The following REV3L variants were observed in gnomAD, a reference collection of about 807,000 sequenced individuals.
The protein encoded by REV3L is REV3 like, DNA directed polymerase zeta catalytic subunit, also known as DNA polymerase zeta catalytic subunit.
A neutral mutation model predicts 299.4 loss-of-function variants in REV3L; 69 were observed. That is an observed-to-expected ratio of 0.23 (90% CI 0.19 to 0.28). The LOEUF (loss-of-function observed/expected upper bound fraction) is 0.28, where lower values mean the gene tolerates loss of function less well. REV3L is among the 10% of genes least tolerant of loss of function. The pLI is 1.00. For missense variants in REV3L, 3,128 were observed against 3,693.8 expected (o/e 0.85, Z 3.97); for synonymous variants, 1,238 against 1,271.4 (o/e 0.97, Z 0.56).
chr6:111,303,195 A>C (rs1452591917), intron 31 of REV3L, among the ~76,000 whole-genome samples: 1 of 92,022 alleles, frequency 1.1e-5, no homozygotes, highest in Non-Finnish European at 2.0e-5. Context: ...GATGAGAGAG[A>C]GCGTCTCATT....
At chr6:111,315,089 A>T (rs1394461637) in intron 27 of REV3L, among the ~76,000 whole-genome samples, 178 bp downstream of exon 27, 1 of 151,910 alleles carries the variant, frequency 6.6e-6, no homozygotes, top group Non-Finnish European at 1.5e-5. Context: ...GTCTCAAGCA[A>T]CCCTCCTGCT....
intron 31 of REV3L, among the ~76,000 whole-genome samples, chr6:111,300,928 A>AGAT: frequency 6.6e-6 from 1 of 152,328 alleles, no homozygotes. Flanking sequence ...GGAATAAGGG[A>AGAT]GATAACCATA....
At chr6:111,390,740 T>G (rs1781838772) in intron 5 of REV3L, among the ~76,000 whole-genome samples, 1 of 152,162 alleles carries the variant, frequency 6.6e-6, no homozygotes, top group Admixed American at 6.5e-5. Context: ...TGATCAACAG[T>G]GGGATCATAG....
intron 1 of REV3L, among the ~76,000 whole-genome samples, chr6:111,439,219 C>T (rs975862647): frequency 3.3e-5 from 5 of 152,064 alleles, no homozygotes; most frequent in African/African-American, 9.7e-5. Context: ...ATGGAAATGA[C>T]GTCAGACAAA....
At chr6:111,432,970 G>A (rs1168382081) in intron 1 of REV3L, among the ~76,000 whole-genome samples, 1 of 152,088 alleles carries the variant, frequency 6.6e-6, no homozygotes, top group African/African-American at 2.4e-5. Context: ...AAGAAATTAA[G>A]AAGGAAATTT....
intron 1 of REV3L, among the ~76,000 whole-genome samples, chr6:111,472,825 A>G (rs1219667628): frequency 6.6e-6 from 1 of 152,170 alleles, no homozygotes; most frequent in Non-Finnish European, 1.5e-5. Context: ...ACACCAAACA[A>G]AAACACCAAA....
chr6:111,366,656 CAG>C (rs767919274), intron 14 of REV3L, among the ~76,000 whole-genome samples: 14 of 152,156 alleles, frequency 9.2e-5, no homozygotes, highest in Non-Finnish European at 2.1e-4. Flanking sequence ...TGTAGAATGA[CAG>C]GGGCAGAATT....
intron 21 of REV3L, among the ~76,000 whole-genome samples, chr6:111,339,727 A>AT (rs1174073561): frequency 1.3e-5 from 2 of 152,176 alleles, no homozygotes; most frequent in African/African-American, 4.8e-5. Context: ...ATTTAAAAAA[A>AT]TGTATTTTAG....
rs747746023 is a variant in REV3L, at chr6:111,375,442, C to A, written c.2913G>T (p.Leu971=). The A allele has an allele frequency of 3.8e-6, 6 of 1,599,202 alleles. No individual in the cohort carries two copies. The East Asian group carries it at 8.9e-5, about 24-fold the overall frequency. The part of the protein sequence containing the change: ...SRKRRKMSKK[L]PPVIIKYIII... ...TAATATACTTTATGATGACAGGGGG[C>A]AGCTTTTTAGACATTTTTCTTCGTT... The change falls in exon 13 of 32, where the codon CTG becomes CTT. Residue 971 remains leucine (L), a synonymous_variant. Coordinates refer to ENST00000368802, the MANE Select transcript of REV3L (RefSeq NM_001372078.1).
intron 26 of REV3L, 140 bp from the exon 27 acceptor site, chr6:111,315,521 C>T: frequency 1.6e-6 from 1 of 613,896 alleles, no homozygotes; most frequent in South Asian, 2.1e-5. Flanking sequence ...AAGATGCTTT[C>T]TATGTAAGCT....
intron 20 of REV3L, among the ~76,000 whole-genome samples, chr6:111,347,051 C>G (rs1193145029): frequency 6.6e-6 from 1 of 152,082 alleles, no homozygotes; most frequent in Non-Finnish European, 1.5e-5. Flanking sequence ...GGGCAGACCA[C>G]TTGAGGTCAG....
chr6:111,311,161 C>G lies in REV3L; in HGVS notation c.8703G>C (p.Lys2901Asn), dbSNP rs907940388. The change falls in exon 29 of 32, where the codon AAG (lysine) becomes AAC (asparagine). Residue 2901 changes from lysine (K) to asparagine (N), a missense_variant. This residue lies in a region of REV3L where 294 missense variants were observed against 377.0 expected (regional missense o/e 0.78). Transcript: ENST00000368802. ...CAAAGATAAAGTCTTGTATGCTGGC[C>G]TTTCCTTCCAGAAGCTTCATACATT... ...QRQCMKLLEG[K>N]ASIQDFIFAK... 1 of 1,614,074 alleles carries G rather than the reference C, an allele frequency of 6.2e-7. No individual in the cohort carries two copies. Among genetic ancestry groups the G allele is most frequent in the Non-Finnish European group, 8.5e-7 (1 of 1,179,980 alleles).
chr6:111,351,574 AAAAAATTGGGCT>A (rs1777570952), intron 19 of REV3L, 90 bp downstream of exon 19: 1 of 732,792 alleles, frequency 1.4e-6, no homozygotes, highest in African/African-American at 1.8e-5. Flanking sequence ...ACTTAGTACT[AAAAAATTGGGCT>A]ACAGCATAAG....
chr6:111,325,893 CT>C (rs1364634518), intron 25 of REV3L, among the ~76,000 whole-genome samples: 1 of 152,108 alleles, frequency 6.6e-6, no homozygotes, highest in African/African-American at 2.4e-5. Flanking sequence ...TATTTTTGTA[CT>C]CATTAATCAT....
chr6:111,416,781 CCAGTGTTATGAAGGTTATAAGCA>C (rs1784808354), intron 1 of REV3L, among the ~76,000 whole-genome samples: 1 of 152,094 alleles, frequency 6.6e-6, no homozygotes, highest in Non-Finnish European at 1.5e-5. Flanking sequence ...TCTATAAATA[CCAGTGTTATGAAGGTTATAAGCA>C]CAGTGTTATG....
chr6:111,381,482 G>A, intron 9 of REV3L, 38 bp from the exon 10 acceptor site: 2 of 1,552,904 alleles, frequency 1.3e-6, no homozygotes, highest in Non-Finnish European at 1.7e-6. Context: ...TGAAGCAATG[G>A]CCTAAATCCA....
Position 111,377,843 on chromosome 6 carries a change from T to C in REV3L, c.1455A>G (p.Arg485=). 5.0e-6 allele frequency: 8 copies of C among 1,605,904 alleles called. No homozygotes were observed. Among genetic ancestry groups the C allele is most frequent in the Non-Finnish European group, 6.8e-6 (8 of 1,177,288 alleles). Residue 485 remains arginine, a splice_region_variant and synonymous_variant, in exon 12 of 32, where the codon AGA becomes AGG. Coordinates refer to ENST00000368802, the MANE Select transcript of REV3L (RefSeq NM_001372078.1). ...SNIEEHCAKK[R]SLCRNTHRSS... is the part of the protein sequence containing the mutation. Reference sequence around the variant, plus strand: ...TTCTGTGGGTATTTCTGCACAGTGATCTGGAGAACATTAAAATTCACTGGT... The same window carrying C: ...TTCTGTGGGTATTTCTGCACAGTGACCTGGAGAACATTAAAATTCACTGGT...
intron 31 of REV3L, among the ~76,000 whole-genome samples, chr6:111,303,429 C>T (rs1378429085): frequency 2.0e-5 from 3 of 150,448 alleles, no homozygotes; most frequent in African/African-American, 7.3e-5. Context: ...TGCAGTGGCA[C>T]AATCTCAGCT....
At chr6:111,382,471 A>G (rs1171856377) in intron 9 of REV3L, among the ~76,000 whole-genome samples, 1 of 152,152 alleles carries the variant, frequency 6.6e-6, no homozygotes, top group Non-Finnish European at 1.5e-5. Context: ...TCACAGTGGA[A>G]AGCAACGTCC....
Sources: gnomAD v4.1 joint callset for allele counts (sites outside exome capture counted in the v4.1 genomes callset) on GRCh38, gnomAD v4.1.1 for gene constraint, gnomAD v4.1.1 regional missense constraint, MANE v1.5 for transcripts, NCBI Gene and HGNC (gene_info 2026-07-23, HGNC 2026-07-21) for gene names.